The following TYW1 variants were observed in gnomAD, a reference collection of about 807,000 sequenced individuals.
TYW1 encodes S-adenosyl-L-methionine-dependent tRNA 4-demethylwyosine synthase TYW1.
Under a neutral mutation model 96.2 loss-of-function variants are expected in TYW1, and 46 were observed. The ratio of observed to expected loss-of-function variants is 0.48; its 90% CI spans 0.38 to 0.61. The LOEUF is 0.61. Ranked by LOEUF, TYW1 falls within the 20% of genes least tolerant of loss-of-function variation. TYW1 has a pLI of 0.00. For missense variants in TYW1, 684 were observed against 909.6 expected, an observed-to-expected ratio of 0.75 and a Z score of 3.19; for synonymous variants, 274 against 323.0, an observed-to-expected ratio of 0.85 and a Z score of 1.63.
At chr7:67,072,933 AGT>A (rs1796072927) in intron 10 of TYW1, among the ~76,000 whole-genome samples, 1 of 82,526 alleles carries the variant, frequency 1.2e-5, no homozygotes, top group Admixed American at 1.4e-4. Flanking sequence ...ATGCCTATCC[AGT>A]TTTTTTTTTT....
At chr7:67,161,825 G>A (rs568273340) in intron 13 of TYW1, among the ~76,000 whole-genome samples, 22 of 152,142 alleles carry the variant, frequency 1.4e-4, no homozygotes, top group African/African-American at 5.1e-4. Flanking sequence ...ACGTTCTTAT[G>A]TGTCAGACAT....
At chr7:67,206,188 G>A (rs773664430) in intron 15 of TYW1, among the ~76,000 whole-genome samples, 1 of 152,096 alleles carries the variant, frequency 6.6e-6, no homozygotes, top group South Asian at 2.1e-4. Flanking sequence ...GAAAGGTGTC[G>A]CCCAGTTAAG....
chr7:67,073,891 G>A (rs1796121804), intron 10 of TYW1, among the ~76,000 whole-genome samples: 1 of 150,042 alleles, frequency 6.7e-6, no homozygotes, highest in Admixed American at 6.7e-5. Flanking sequence ...AACCATCCTG[G>A]CTAACACGGT....
At chr7:67,050,212 C>T (rs777452571) in intron 8 of TYW1, 146 bp downstream of exon 8, 17 of 984,254 alleles carry the variant, frequency 1.7e-5, no homozygotes, top group Middle Eastern at 2.7e-4. Flanking sequence ...TTTATTTCTG[C>T]GGATTGCTTC....
intron 11 of TYW1, among the ~76,000 whole-genome samples, chr7:67,087,838 GTTTTC>G (rs1293856425): frequency 1.3e-5 from 2 of 151,980 alleles, no homozygotes; most frequent in Non-Finnish European, 2.9e-5. Context: ...AGCCTCATTT[GTTTTC>G]TTTTTATTTT....
intron 7 of TYW1, among the ~76,000 whole-genome samples, chr7:67,026,678 A>C (rs898189367): frequency 6.6e-6 from 1 of 151,294 alleles, no homozygotes; most frequent in Admixed American, 6.6e-5. Context: ...GAGCCACCAC[A>C]CCCAGCCAGG....
chr7:67,095,743 C>G (rs1183015335), intron 11 of TYW1, among the ~76,000 whole-genome samples: 1 of 152,000 alleles, frequency 6.6e-6, no homozygotes, highest in Admixed American at 6.6e-5. Flanking sequence ...TTCACTGGCT[C>G]TGCATCTCTT....
intron 15 of TYW1, among the ~76,000 whole-genome samples, chr7:67,230,746 G>A (rs1407791262): frequency 2.1e-5 from 3 of 145,792 alleles, no homozygotes; most frequent in Non-Finnish European, 3.0e-5. Flanking sequence ...TCTACCTCCC[G>A]GGTTCAACCA....
chr7:67,044,569 AG>A (rs2129258304), intron 7 of TYW1, among the ~76,000 whole-genome samples: 1 of 152,298 alleles, frequency 6.6e-6, no homozygotes, highest in Non-Finnish European at 1.5e-5. Context: ...AGGCCTAGCC[AG>A]GTTGACTGTC....
chr7:67,005,756 C>T (rs781179048), intron 3 of TYW1, among the ~76,000 whole-genome samples: 3 of 152,224 alleles, frequency 2.0e-5, no homozygotes, highest in Non-Finnish European at 4.4e-5. Flanking sequence ...GGTGAAGTCA[C>T]GTCATCCCTC....
intron 15 of TYW1, among the ~76,000 whole-genome samples, chr7:67,208,565 C>T (rs1800889933): frequency 6.6e-6 from 1 of 151,612 alleles, no homozygotes; most frequent in Non-Finnish European, 1.5e-5. Context: ...TGGCGCGTGC[C>T]TGTAGTCCCA....
At chr7:67,056,218 T>G (rs1467247217) in intron 9 of TYW1, among the ~76,000 whole-genome samples, 1 of 152,136 alleles carries the variant, frequency 6.6e-6, no homozygotes, top group Non-Finnish European at 1.5e-5. Context: ...AGTGGCCAGA[T>G]GCAGTGGCTC....
In TYW1 at chr7:67,239,342, T is replaced by TC. The variant is rs1340396330; in HGVS notation, c.*815dup. 2 of 985,298 alleles carry TC rather than the reference T, an allele frequency of 2.0e-6. No homozygotes were observed. Among genetic ancestry groups the TC allele is most frequent in the Admixed American group, 6.2e-5 (1 of 16,260 alleles). The allele number at this position is 985,298 out of a possible 1,614,324, so 61.0% of individuals were successfully genotyped here. A position where few individuals can be genotyped will look rare whatever the true frequency, so the allele number is the denominator to read the frequency against. On this transcript the variant is annotated 3_prime_UTR_variant, in exon 16 of 16. Transcript: ENST00000359626. ...TCATATCATGACCAGACGGCGGGTC[T>TC]CCATCTTCTTTCACTCCTGTGGCCC...
rs542780603 is a variant in TYW1 at position 67,172,561 on chromosome 7, C to T, written c.1699-10565C>T. On this transcript the variant is annotated intron_variant, in intron 13 of 15. Coordinates refer to ENST00000359626, the MANE Select transcript of TYW1 (RefSeq NM_018264.4). The stretch of plus-strand genomic sequence containing the variant: ...TGAGCCTCCCGAGTAGCTGGGATTA[C>T]AGGTGTGTGCCACCACGCCTGGCTA... 2.6e-5 allele frequency among the ~76,000 whole-genome samples: 4 copies of T among 152,000 alleles called. No homozygotes were observed. In the South Asian group the frequency reaches 8.4e-4, roughly 32 times the overall value.
At position 67,107,659 on chromosome 7, in the gene TYW1, G is replaced by C. The variant is rs150709253; in HGVS notation, c.1562+8941G>C. 2.2e-3 allele frequency among the ~76,000 whole-genome samples: 335 copies of C among 152,204 alleles called. 1 individual carries two copies. The highest frequency in any genetic ancestry group is 0.01 in the Middle Eastern group (3 of 292). ...ATGAAACATGGAAGTTTCACCTTTGGCAAGGCAGGCTAAGTAATGTTGGTC... is the reference window on the plus strand; with the variant it reads ...ATGAAACATGGAAGTTTCACCTTTGCCAAGGCAGGCTAAGTAATGTTGGTC... On this transcript the variant is annotated intron_variant, in intron 12 of 15. Transcript: ENST00000359626.
At chr7:67,161,031 AG>A (rs745568187) in intron 13 of TYW1, among the ~76,000 whole-genome samples, 2 of 152,158 alleles carry the variant, frequency 1.3e-5, no homozygotes, top group Non-Finnish European at 2.9e-5. Flanking sequence ...CTCATAATTA[AG>A]TTTCCATGTA....
At chr7:66,999,945 C>CTT (rs1197251133) in intron 3 of TYW1, among the ~76,000 whole-genome samples, 5 of 148,858 alleles carry the variant, frequency 3.4e-5, no homozygotes, top group African/African-American at 1.2e-4. Flanking sequence ...TTTTTTTTTT[C>CTT]TTTTTTTAAA....
At chr7:67,170,460 A>G (rs1799481648) in intron 13 of TYW1, among the ~76,000 whole-genome samples, 1 of 152,224 alleles carries the variant, frequency 6.6e-6, no homozygotes, top group Admixed American at 6.5e-5. Flanking sequence ...AAAGCCTGCA[A>G]AACAGGCAGC....
chr7:67,025,310 T>A (rs1029225928), intron 7 of TYW1, among the ~76,000 whole-genome samples: 11 of 151,826 alleles, frequency 7.2e-5, no homozygotes, highest in African/African-American at 2.4e-4. Context: ...TGGGCCACAT[T>A]GGTAGAAAAA....
Sources: allele counts gnomAD v4.1 joint callset (sites outside exome capture counted in the v4.1 genomes callset), GRCh38; gene constraint gnomAD v4.1.1; transcripts MANE v1.5; gene names NCBI Gene and HGNC (gene_info 2026-07-23, HGNC 2026-07-21).